Variants in NEBL observed in about 807,000 individuals in gnomAD.
NEBL encodes the protein LIM and SH3 protein 2.
NEBL carries 122 observed loss-of-function variants against 140.2 expected under a neutral mutation model. The ratio of observed to expected loss-of-function variants is 0.87; its 90% CI spans 0.75 to 1.01. The LOEUF (loss-of-function observed/expected upper bound fraction) is 1.01. Ranked by LOEUF, NEBL falls within the 50% of genes least tolerant of loss-of-function variation. The pLI is 0.00. For missense variants in NEBL, 1,365 were observed against 1,231.3 expected, an observed-to-expected ratio of 1.11 and a Z score of -1.62; for synonymous variants, 436 against 398.9, an observed-to-expected ratio of 1.09 and a Z score of -1.11.
At chr10:20,857,130 A>C (rs909495462) in intron 9 of NEBL, among the ~76,000 whole-genome samples, 1 of 152,176 alleles carries the variant, frequency 6.6e-6, no homozygotes, top group Non-Finnish European at 1.5e-5. Flanking sequence ...GCCAGAAAAA[A>C]ATAAACTTTT....
chr10:21,006,176 A>G (rs1031045072), intron 3 of NEBL, among the ~76,000 whole-genome samples: 2 of 152,178 alleles, frequency 1.3e-5, no homozygotes, highest in Admixed American at 6.5e-5. Context: ...GTAACTCACT[A>G]TTCTCTTGCA....
At chr10:20,975,034 C>G (rs1164053494) in intron 3 of NEBL, among the ~76,000 whole-genome samples, 1 of 152,040 alleles carries the variant, frequency 6.6e-6, no homozygotes, top group African/African-American at 2.4e-5. Context: ...TTATATTTGT[C>G]CTTTGCTGAC....
intron 4 of NEBL, among the ~76,000 whole-genome samples, chr10:20,886,786 A>C (rs1239089886): frequency 2.0e-5 from 3 of 152,188 alleles, no homozygotes; most frequent in African/African-American, 7.2e-5. Flanking sequence ...GACTGGGATA[A>C]ATACACGTGA....
intron 7 of NEBL, among the ~76,000 whole-genome samples, chr10:20,867,109 A>T (rs1196721542): frequency 6.6e-6 from 1 of 152,120 alleles, no homozygotes; most frequent in Non-Finnish European, 1.5e-5. Flanking sequence ...TTAAAAAACT[A>T]TTCTCAGACA....
intron 5 of NEBL, among the ~76,000 whole-genome samples, chr10:20,871,841 C>A (rs920797155): frequency 3.3e-5 from 5 of 152,016 alleles, no homozygotes; most frequent in Non-Finnish European, 4.4e-5. Context: ...TTTAAGCAGG[C>A]CAATTCCATT....
At chr10:20,897,893 C>A (rs766030992), upstream of NEBL, among the ~76,000 whole-genome samples, 1 of 152,022 alleles carries the variant, frequency 6.6e-6, no homozygotes, top group African/African-American at 2.4e-5. Flanking sequence ...ATTATACTGG[C>A]GAGTATGGTA....
intron 2 of NEBL, chr10:21,070,018 G>C (rs1313735875): frequency 4.4e-6 from 2 of 456,068 alleles, no homozygotes; most frequent in Non-Finnish European, 8.8e-6. Context: ...TGAAGCATCT[G>C]ATTTGCAGCA....
rs117305544 is a variant in NEBL at position 20,837,769 on chromosome 10, G to A, written c.1339-2146C>T. On this transcript the variant is annotated intron_variant, in intron 13 of 27. Coordinates refer to ENST00000377122, the MANE Select transcript of NEBL (RefSeq NM_006393.3). ...GGTCTAACACAGCTGCTGACTTTAAGTTGCAGCCAATGCTCATTTACCATT... is the reference window on the plus strand; with the variant it reads ...GGTCTAACACAGCTGCTGACTTTAAATTGCAGCCAATGCTCATTTACCATT... Among the ~76,000 whole-genome samples, 1,301 of 152,300 alleles carry A rather than the reference G, an allele frequency of 8.5e-3. 10 individuals are homozygous for A. Among genetic ancestry groups the A allele is most frequent in the Non-Finnish European group, 0.012 (806 of 68,018 alleles).
At chr10:20,799,600 A>G (rs1046853979) in intron 26 of NEBL, among the ~76,000 whole-genome samples, 2 of 152,212 alleles carry the variant, frequency 1.3e-5, no homozygotes, top group Non-Finnish European at 2.9e-5. Context: ...ACACTCAAAT[A>G]TAGTTGGGAA....
chr10:21,050,045 G>A (rs1834702616), intron 2 of NEBL, among the ~76,000 whole-genome samples: 1 of 152,154 alleles, frequency 6.6e-6, no homozygotes, highest in Non-Finnish European at 1.5e-5. Context: ...AATGAAGGGG[G>A]AGGAAGACTA....
intron 26 of NEBL, chr10:20,804,204 T>C (rs1837405060): frequency 6.6e-6 from 1 of 152,050 alleles, no homozygotes; most frequent in Non-Finnish European, 1.5e-5. Context: ...AGGAAAAAAT[T>C]CAGAGAAAAG....
intron 3 of NEBL, among the ~76,000 whole-genome samples, chr10:21,235,381 C>T (rs1842334420): frequency 6.6e-6 from 1 of 152,094 alleles, no homozygotes; most frequent in Non-Finnish European, 1.5e-5. Context: ...CTCTGTCACC[C>T]AGGCTGGACT....
intron 2 of NEBL, among the ~76,000 whole-genome samples, chr10:21,139,723 C>T (rs949656941): frequency 5.9e-5 from 9 of 152,170 alleles, no homozygotes; most frequent in African/African-American, 2.2e-4. Flanking sequence ...ACCTGCTTTC[C>T]ACAGTGCACA....
chr10:20,838,518 T>C (rs978044423), intron 13 of NEBL, among the ~76,000 whole-genome samples: 10 of 152,174 alleles, frequency 6.6e-5, no homozygotes, highest in African/African-American at 2.4e-4. Flanking sequence ...TGATCATTAT[T>C]GAAATAACAA....
chr10:20,908,101 C>A (rs947849118), intron 4 of NEBL, among the ~76,000 whole-genome samples: 2 of 152,130 alleles, frequency 1.3e-5, no homozygotes, highest in African/African-American at 4.8e-5. Context: ...CACTGCATGC[C>A]AAGCACTGTG....
At chr10:20,949,664 T>C (rs1178565392) in intron 4 of NEBL, among the ~76,000 whole-genome samples, 3 of 152,202 alleles carry the variant, frequency 2.0e-5, no homozygotes, top group Non-Finnish European at 4.4e-5. Context: ...ATTAATAAGC[T>C]GAACAACACT....
At chr10:20,829,251 C>T (rs1208436424) in intron 16 of NEBL, among the ~76,000 whole-genome samples, 1 of 151,960 alleles carries the variant, frequency 6.6e-6, no homozygotes, top group Non-Finnish European at 1.5e-5. Context: ...GAATACTATG[C>T]AGCCATAAAA....
intron 3 of NEBL, among the ~76,000 whole-genome samples, chr10:20,889,313 G>C (rs1167472779): frequency 6.6e-6 from 1 of 152,128 alleles, no homozygotes; most frequent in African/African-American, 2.4e-5. Context: ...TTTTCAGCTG[G>C]AAAATGAATA....
At chr10:20,834,060 C>T (rs1840663952) in intron 14 of NEBL, among the ~76,000 whole-genome samples, 1 of 152,042 alleles carries the variant, frequency 6.6e-6, no homozygotes, top group Non-Finnish European at 1.5e-5. Flanking sequence ...ATTTCCCTTG[C>T]AGACAACAAA....
Sources: allele counts gnomAD v4.1 joint callset (sites outside exome capture counted in the v4.1 genomes callset), GRCh38; gene constraint gnomAD v4.1.1; transcripts MANE v1.5; gene names NCBI Gene and HGNC (gene_info 2026-07-23, HGNC 2026-07-21).